RP1: variants seen among roughly 807,000 people sequenced by gnomAD.
RP1 encodes the protein RP1 axonemal microtubule associated.
Under a neutral mutation model 14.8 loss-of-function variants are expected in RP1, and 16 were observed. The ratio of observed to expected loss-of-function variants is 1.08; its 90% CI spans 0.73 to 1.65. The LOEUF (loss-of-function observed/expected upper bound fraction) is 1.65, where lower values mean the gene tolerates loss of function less well. Among genes scored for constraint, RP1 ranks in the 40% most tolerant of loss-of-function variants. The pLI is 0.00. For missense variants in RP1, 2,631 were observed against 2,535.0 expected (o/e 1.04, Z -0.81); for synonymous variants, 876 against 883.6 (o/e 0.99, Z 0.15).
chr8:54,577,705 C>A (rs1804692063), intron 1 of RP1, among the ~76,000 whole-genome samples: 1 of 152,086 alleles, frequency 6.6e-6, no homozygotes, highest in African/African-American at 2.4e-5. Flanking sequence ...ACTGTGATAT[C>A]CTCCTCATAT....
chr8:54,604,105 T>C (rs1805365686), intron 1 of RP1, among the ~76,000 whole-genome samples: 2 of 152,228 alleles, frequency 1.3e-5, no homozygotes, highest in Non-Finnish European at 2.9e-5. Flanking sequence ...AGGGCATCCC[T>C]GTCTTGTGCC....
chr8:54,632,353 A>G (rs1413421418), downstream of RP1, among the ~76,000 whole-genome samples: 1 of 152,216 alleles, frequency 6.6e-6, no homozygotes, highest in African/African-American at 2.4e-5. Context: ...TCCTTCATGC[A>G]TCATAATTGG....
At chr8:54,701,948 T>G (rs1808031949) in intron 14 of RP1, among the ~76,000 whole-genome samples, 1 of 152,170 alleles carries the variant, frequency 6.6e-6, no homozygotes, top group South Asian at 2.1e-4. Context: ...AACCTTGCAT[T>G]TGGGAGTCAA....
chr8:54,588,455 T>A (rs1258014249), intron 1 of RP1, among the ~76,000 whole-genome samples: 1 of 152,132 alleles, frequency 6.6e-6, no homozygotes, highest in Non-Finnish European at 1.5e-5. Flanking sequence ...TTTTGAAGAT[T>A]AGAATAAACA....
chr8:54,627,214 C>G lies in RP1; in HGVS notation c.3332C>G (p.Ser1111Ter). The change falls in exon 4 of 4, where the codon TCA (serine) becomes TGA (stop). Residue 1111 changes from serine to a stop codon, truncating the protein, a stop_gained. Coordinates refer to ENST00000220676, the MANE Select transcript of RP1 (RefSeq NM_006269.2). LOFTEE classifies it low-confidence loss of function (END_TRUNC). Reference sequence around the variant, plus strand: ...AATGGAGTTGTTCAAATGCCAGGTTCACTTGCAGGTGTTCCCTTTCATTCT... The same window carrying G: ...AATGGAGTTGTTCAAATGCCAGGTTGACTTGCAGGTGTTCCCTTTCATTCT... ...TQNGVVQMPG[S>*]LAGVPFHSAI... The G allele has an allele frequency of 1.2e-6, 2 of 1,614,080 alleles. No individual in the cohort carries two copies. Among genetic ancestry groups the G allele is most frequent in the Non-Finnish European group, 1.7e-6 (2 of 1,179,990 alleles).
chr8:54,628,980 A>G lies in RP1; in HGVS notation c.5098A>G (p.Arg1700Gly). The G allele has an allele frequency of 6.2e-7, 1 of 1,614,104 alleles. No individual in the cohort carries two copies. Among genetic ancestry groups the G allele is most frequent in the Non-Finnish European group, 8.5e-7 (1 of 1,179,984 alleles). The change falls in exon 4 of 4, where the codon AGA (arginine) becomes GGA (glycine). Residue 1700 changes from arginine to glycine, a missense_variant. Transcript: ENST00000220676. ...TATGTTGCAGGAATTCCAGGAGGAA[A>G]GACAAGATAAGTGTGATGTTAGTGC... ...SSMLQEFQEERQDKCDVSAVR... is the reference protein window; with the variant it reads ...SSMLQEFQEEGQDKCDVSAVR...
chr8:54,850,089 G>A (rs1812024537), intron 25 of RP1, among the ~76,000 whole-genome samples: 1 of 152,082 alleles, frequency 6.6e-6, no homozygotes. Context: ...ATGATAAAAA[G>A]AAATTTTAAA....
At position 54,781,760 on chromosome 8, in the gene RP1, A is replaced by C. The variant is rs1027646024; in HGVS notation, c.3452-1787A>C. 2.6e-5 allele frequency among the ~76,000 whole-genome samples: 4 copies of C among 152,324 alleles called. No homozygotes were observed. In the South Asian group the frequency reaches 8.3e-4, roughly 32 times the overall value. On this transcript the variant is annotated intron_variant, in intron 23 of 28. Transcript: ENST00000637698. ...ATTTATTTTTTTTCCAGTTGCAAAAAAGAAAAATATGCTTAGGAAAACTTG... is the reference window on the plus strand; with the variant it reads ...ATTTATTTTTTTTCCAGTTGCAAAACAGAAAAATATGCTTAGGAAAACTTG...
chr8:54,859,272 C>T (rs1196906600), intron 27 of RP1, among the ~76,000 whole-genome samples: 2 of 149,506 alleles, frequency 1.3e-5, no homozygotes, highest in Admixed American at 6.6e-5. Context: ...AGTGATATCA[C>T]TATAGGTGGT....
intron 19 of RP1, among the ~76,000 whole-genome samples, chr8:54,743,573 A>G (rs1453203815): frequency 6.6e-6 from 1 of 152,168 alleles, no homozygotes; most frequent in African/African-American, 2.4e-5. Flanking sequence ...ATCTTTATTA[A>G]CATAATTTAC....
intron 15 of RP1, among the ~76,000 whole-genome samples, chr8:54,710,653 CT>C (rs750318741): frequency 2.4e-4 from 36 of 152,300 alleles, no homozygotes; most frequent in Non-Finnish European, 3.8e-4. Context: ...ATGAAAGTCG[CT>C]GTCAGCGGAG....
At chr8:54,564,576 C>T (rs1200117316) in intron 1 of RP1, among the ~76,000 whole-genome samples, 8 of 152,190 alleles carry the variant, frequency 5.3e-5, no homozygotes, top group Non-Finnish European at 1.2e-4. Context: ...CAAAAACAGG[C>T]TCATAGAAGC....
exon 17 of RP1, chr8:54,726,405 A>G (rs1338832554): frequency 6.5e-7 from 1 of 1,534,786 alleles, no homozygotes. Context: ...GAAAAGATCC[A>G]TGAGTCAAAA....
rs192096596 is a variant in RP1, at chr8:54,679,960, T to C, written c.1717+27T>C. On this transcript the variant is annotated intron_variant, in intron 12 of 22. Coordinates refer to the RP1 transcript ENST00000636932. ...TAAAACTATCGTACAAAGCTTGTGG[T>C]GCTGGACAGGTCTGGGAGTTAAAGG... 1.1e-3 allele frequency: 1,701 copies of C among 1,533,334 alleles called. 2 individuals carry two copies. The highest frequency in any genetic ancestry group is 2.2e-3 in the South Asian group (183 of 83,552). 95.0% of individuals were successfully genotyped at this position (1,533,334 alleles called of 1,614,324 possible). A position where few individuals can be genotyped will look rare whatever the true frequency, so the allele number is the denominator to read the frequency against.
intron 22 of RP1, chr8:54,769,692 T>C (rs1366695897): frequency 1.7e-6 from 2 of 1,205,592 alleles, no homozygotes; most frequent in Non-Finnish European, 2.3e-6. Context: ...ATTAATTTTC[T>C]CTCTATTTTC....
intron 24 of RP1, among the ~76,000 whole-genome samples, chr8:54,795,067 TATC>T (rs934788270): frequency 2.6e-5 from 4 of 152,064 alleles, no homozygotes; most frequent in African/African-American, 9.6e-5. Context: ...TTAGTATGGC[TATC>T]ATCAAAAAAA....
At chr8:54,576,780 T>C (rs1804673888) in intron 1 of RP1, among the ~76,000 whole-genome samples, 1 of 152,158 alleles carries the variant, frequency 6.6e-6, no homozygotes, top group Non-Finnish European at 1.5e-5. Context: ...TGGAAATTCA[T>C]GGGTTTTGTT....
chr8:54,561,652 G>A (rs904482108), intron 1 of RP1: 11 of 152,198 alleles, frequency 7.2e-5, no homozygotes, highest in African/African-American at 2.4e-4. Context: ...CTTTTCAGAT[G>A]ATTAACTGGC....
At chr8:54,740,074 T>TTA (rs1332883471) in intron 19 of RP1, among the ~76,000 whole-genome samples, 1 of 148,616 alleles carries the variant, frequency 6.7e-6, no homozygotes, top group Non-Finnish European at 1.5e-5. Flanking sequence ...AAAATATATT[T>TTA]TATATATATA....
Sources: allele counts gnomAD v4.1 joint callset (sites outside exome capture counted in the v4.1 genomes callset), GRCh38; gene constraint gnomAD v4.1.1; transcripts MANE v1.5; gene names NCBI Gene and HGNC (gene_info 2026-07-23, HGNC 2026-07-21).